BMP5: variants seen among roughly 807,000 people sequenced by gnomAD.
BMP5 encodes the protein bone morphogenetic protein 5.
In BMP5, 23 loss-of-function variants were observed where a neutral mutation model predicts 46.6. That is an observed-to-expected ratio of 0.49 (90% CI 0.35 to 0.70). The LOEUF is 0.70. Among genes scored for constraint, BMP5 ranks in the 30% least tolerant of loss-of-function variants. BMP5 has a pLI of 0.00. For synonymous variants in BMP5, 204 were observed against 191.9 expected, an observed-to-expected ratio of 1.06 and a Z score of -0.52; for missense variants, 545 against 565.6, an observed-to-expected ratio of 0.96 and a Z score of 0.37.
At chr6:55,850,566 A>C (rs1460927513) in intron 1 of BMP5, among the ~76,000 whole-genome samples, 2 of 152,030 alleles carry the variant, frequency 1.3e-5, no homozygotes, top group Non-Finnish European at 2.9e-5. Flanking sequence ...TCTGTCACAA[A>C]TTTTATCCAG....
At position 55,870,045 on chromosome 6, in the gene BMP5, A is replaced by T. The variant is rs148406846; in HGVS notation, c.490+4331T>A. ...GGAAAGGCCAAAAAATACTGGGATG[A>T]GAAGGGAGGAGGGAGAGTGGTGATA... On this transcript the variant is annotated intron_variant, in intron 1 of 6. Transcript: ENST00000370830. Among the ~76,000 whole-genome samples, 419 of 152,166 alleles carry T rather than the reference A, an allele frequency of 2.8e-3. 2 individuals carry two copies. The highest frequency in any genetic ancestry group is 9.4e-3 in the African/African-American group (391 of 41,516).
intron 4 of BMP5, among the ~76,000 whole-genome samples, chr6:55,772,193 A>G (rs1775062569): frequency 6.6e-6 from 1 of 151,966 alleles, no homozygotes; most frequent in African/African-American, 2.4e-5. Context: ...TGTACTCTAA[A>G]TGGTGTTAGG....
chr6:55,841,924 G>T (rs1430045321), intron 1 of BMP5, among the ~76,000 whole-genome samples: 1 of 151,952 alleles, frequency 6.6e-6, no homozygotes. Flanking sequence ...GACAGAGAGA[G>T]AGAGAGAGAG....
At chr6:55,856,256 T>C (rs1777394323) in intron 1 of BMP5, among the ~76,000 whole-genome samples, 1 of 152,166 alleles carries the variant, frequency 6.6e-6, no homozygotes, top group Non-Finnish European at 1.5e-5. Context: ...ATTCAATGGG[T>C]GTGTCACTGC....
At chr6:55,834,805 G>C (rs1776750187) in intron 1 of BMP5, among the ~76,000 whole-genome samples, 1 of 152,164 alleles carries the variant, frequency 6.6e-6, no homozygotes, top group South Asian at 2.1e-4. Context: ...TGGAGGCCAG[G>C]TGCAGCGGCT....
At chr6:55,819,604 A>G in intron 2 of BMP5, 51 bp downstream of exon 2, 1 of 1,477,698 alleles carries the variant, frequency 6.8e-7, no homozygotes, top group East Asian at 2.3e-5. Context: ...GGCTTTTACT[A>G]AAATTTTACA....
rs754365141 is a variant in BMP5, at chr6:55,759,144, CAAAAAAAAAAAAAAAAAAAAAAAA to C, written c.1105-53_1105-30del. On this transcript the variant is annotated intron_variant, in intron 5 of 6. Coordinates refer to ENST00000370830, the MANE Select transcript of BMP5 (RefSeq NM_021073.4). ...ACACATACACACACACACACACACA[CAAAAAAAAAAAAAAAAAAAAAAAA>C]AAAAAAAAAAAAAAACAACAAGAAA... The C allele has an allele frequency of 8.3e-4, 71 of 85,084 alleles. 1 individual carries two copies. The highest frequency in any genetic ancestry group is 1.6e-3 in the African/African-American group (6 of 3,760). 5.3% of individuals were successfully genotyped at this position (85,084 alleles called of 1,614,324 possible). A position where few individuals can be genotyped will look rare whatever the true frequency, so the allele number is the denominator to read the frequency against.
intron 1 of BMP5, among the ~76,000 whole-genome samples, chr6:55,853,094 C>A (rs1050199425): frequency 2.7e-5 from 4 of 150,928 alleles, no homozygotes; most frequent in Non-Finnish European, 5.9e-5. Context: ...CGCACCACTG[C>A]AACTCCAGCC....
intron 5 of BMP5, 58 bp from the exon 6 acceptor site, chr6:55,759,173 A>AAAAAAAC: frequency 1.2e-6 from 1 of 839,416 alleles, no homozygotes; most frequent in South Asian, 1.6e-5. Context: ...AAAAAAAAAA[A>AAAAAAAC]AAAAAAAAAA....
At chr6:55,868,947 T>A (rs1289687644) in intron 1 of BMP5, among the ~76,000 whole-genome samples, 1 of 152,192 alleles carries the variant, frequency 6.6e-6, no homozygotes, top group Non-Finnish European at 1.5e-5. Context: ...GCCCAGCCAA[T>A]AAAATATGAA....
intron 2 of BMP5, among the ~76,000 whole-genome samples, chr6:55,804,250 A>C (rs1775931302): frequency 6.6e-6 from 1 of 152,194 alleles, no homozygotes; most frequent in Non-Finnish European, 1.5e-5. Flanking sequence ...TCCTTATAAG[A>C]AGAAGAGGAG....
chr6:55,819,595 G>T, intron 2 of BMP5, 60 bp downstream of exon 2: 1 of 1,376,648 alleles, frequency 7.3e-7, no homozygotes. Context: ...GTTATCAATG[G>T]CTTTTACTAA....
At chr6:55,772,569 G>C (rs1236138849) in intron 4 of BMP5, among the ~76,000 whole-genome samples, 1 of 151,782 alleles carries the variant, frequency 6.6e-6, no homozygotes, top group African/African-American at 2.4e-5. Context: ...GTATTTACCA[G>C]GAAGAAAAGG....
chr6:55,802,906 G>A (rs1286515984), intron 2 of BMP5, among the ~76,000 whole-genome samples: 1 of 151,340 alleles, frequency 6.6e-6, no homozygotes, highest in African/African-American at 2.4e-5. Flanking sequence ...TACTTCAAAG[G>A]GGGAGTATGG....
chr6:55,782,198 AT>A (rs1424105528), intron 3 of BMP5, among the ~76,000 whole-genome samples: 1 of 152,166 alleles, frequency 6.6e-6, no homozygotes, highest in Non-Finnish European at 1.5e-5. Context: ...TGATTTGGTC[AT>A]TACACTTTGT....
chr6:55,865,426 C>T (rs1317403518), intron 1 of BMP5: 3 of 505,872 alleles, frequency 5.9e-6, no homozygotes, highest in South Asian at 4.3e-5. Flanking sequence ...ATGAAAAGCA[C>T]CTTTCAGCAG....
chr6:55,836,930 A>C (rs1403202621), intron 1 of BMP5, among the ~76,000 whole-genome samples: 1 of 152,200 alleles, frequency 6.6e-6, no homozygotes, highest in Non-Finnish European at 1.5e-5. Flanking sequence ...TAGAAAAATA[A>C]AATAATTATA....
chr6:55,812,948 A>G (rs1045944956), intron 2 of BMP5, among the ~76,000 whole-genome samples: 2 of 152,218 alleles, frequency 1.3e-5, no homozygotes, highest in Non-Finnish European at 2.9e-5. Flanking sequence ...AGTTGTGGTA[A>G]CTATTTTCCA....
In BMP5 at chr6:55,819,519, C is replaced by T. The variant is rs116439016; in HGVS notation, c.683+136G>A. The T allele has an allele frequency of 3.8e-3, 2,814 of 736,296 alleles. 60 individuals are homozygous for T. The African/African-American group carries it at 0.042, about 11-fold the overall frequency. 45.6% of individuals were successfully genotyped at this position (736,296 alleles called of 1,614,324 possible). ...ATCGATTACGGTTACCTTTCAATAT[C>T]TCTACCTGGCTCTAAATGTTACTAC... On this transcript the variant is annotated intron_variant, in intron 2 of 6. Coordinates refer to ENST00000370830, the MANE Select transcript of BMP5 (RefSeq NM_021073.4).
Sources: allele counts gnomAD v4.1 joint callset (sites outside exome capture counted in the v4.1 genomes callset), GRCh38; gene constraint gnomAD v4.1.1; transcripts MANE v1.5; gene names NCBI Gene and HGNC (gene_info 2026-07-23, HGNC 2026-07-21).